The following RIMS1 variants were observed in gnomAD, a reference collection of about 807,000 sequenced individuals.
The protein encoded by RIMS1 is regulating synaptic membrane exocytosis 1.
Under a neutral mutation model 214.1 loss-of-function variants are expected in RIMS1, and 83 were observed. The observed-to-expected ratio is 0.39, with a 90% CI of 0.32 to 0.47. RIMS1 has a LOEUF of 0.47. Among genes scored for constraint, RIMS1 ranks in the 20% least tolerant of loss-of-function variants. The probability of loss-of-function intolerance (pLI) is 0.99; values close to 1 mark genes in which losing one functional copy is unlikely to be tolerated. For missense variants in RIMS1, 2,050 were observed against 2,161.8 expected, an observed-to-expected ratio of 0.95 and a Z score of 1.03; for synonymous variants, 793 against 786.8, an observed-to-expected ratio of 1.01 and a Z score of -0.13.
chr6:71,971,575 C>T (rs942893916), intron 2 of RIMS1, among the ~76,000 whole-genome samples: 2 of 152,256 alleles, frequency 1.3e-5, no homozygotes, highest in African/African-American at 2.4e-5. Context: ...AGCCTGTTTT[C>T]ATGCTACTGA....
intron 22 of RIMS1, among the ~76,000 whole-genome samples, chr6:72,271,283 AAAAAT>A (rs1246674675): frequency 9.1e-5 from 7 of 76,782 alleles, no homozygotes; most frequent in African/African-American, 4.0e-4. Context: ...AAAAAAAAAA[AAAAAT>A]ATATATATAT....
chr6:72,266,190 T>C, intron 22 of RIMS1, 141 bp downstream of exon 22: 2 of 702,820 alleles, frequency 2.8e-6, no homozygotes, highest in Admixed American at 2.0e-5. Context: ...CCTTCCCTTA[T>C]TATACATGTC....
intron 4 of RIMS1, among the ~76,000 whole-genome samples, chr6:72,126,151 A>G (rs956386568): frequency 3.6e-5 from 4 of 110,608 alleles, no homozygotes; most frequent in Non-Finnish European, 7.4e-5. Flanking sequence ...TTAATAAAGC[A>G]TACAAGAACA....
At chr6:72,217,543 A>G (rs1251906639) in intron 6 of RIMS1, among the ~76,000 whole-genome samples, 1 of 152,240 alleles carries the variant, frequency 6.6e-6, no homozygotes, top group Non-Finnish European at 1.5e-5. Flanking sequence ...TCAGAAAGAT[A>G]CATTTTTCTT....
At chr6:72,173,011 G>T (rs1336054064) in intron 4 of RIMS1, among the ~76,000 whole-genome samples, 4 of 152,122 alleles carry the variant, frequency 2.6e-5, no homozygotes, top group Admixed American at 1.3e-4. Context: ...ATTTTGTTTT[G>T]CTAACAAGGA....
chr6:72,384,158 A>G (rs2098545572), intron 29 of RIMS1, among the ~76,000 whole-genome samples: 1 of 152,186 alleles, frequency 6.6e-6, no homozygotes, highest in Non-Finnish European at 1.5e-5. Flanking sequence ...AAGTCTAACA[A>G]TGTGTTTTTC....
intron 6 of RIMS1, chr6:72,213,303 A>G (rs550925606): frequency 8.1e-7 from 1 of 1,231,552 alleles, no homozygotes. Context: ...CTCTGTATCT[A>G]TTTTCCAGTC....
At chr6:71,916,946 T>A (rs1778612464) in intron 1 of RIMS1, among the ~76,000 whole-genome samples, 1 of 152,178 alleles carries the variant, frequency 6.6e-6, no homozygotes, top group Non-Finnish European at 1.5e-5. Context: ...CCAATGTTCC[T>A]ACCCTCACAG....
chr6:72,360,370 CA>C (rs1371554752), intron 29 of RIMS1, among the ~76,000 whole-genome samples: 1 of 152,122 alleles, frequency 6.6e-6, no homozygotes, highest in Non-Finnish European at 1.5e-5. Flanking sequence ...TCTTTCTGTA[CA>C]ATAGTCTTTC....
chr6:72,255,008 T>C (rs186298248), intron 16 of RIMS1, among the ~76,000 whole-genome samples: 1,215 of 104,338 alleles, frequency 0.012, 20 homozygotes, highest in African/African-American at 0.036. Flanking sequence ...TAATATTTTA[T>C]GTTTCAAAGA....
intron 2 of RIMS1, among the ~76,000 whole-genome samples, chr6:72,009,262 T>A (rs1467295882): frequency 3.9e-5 from 6 of 152,158 alleles, no homozygotes; most frequent in Non-Finnish European, 8.8e-5. Flanking sequence ...AATAAAGATG[T>A]TCTTTGAAAC....
At chr6:72,042,539 A>G (rs996118694) in intron 2 of RIMS1, among the ~76,000 whole-genome samples, 9 of 151,918 alleles carry the variant, frequency 5.9e-5, no homozygotes, top group African/African-American at 2.2e-4. Context: ...ATTTCCTTGT[A>G]TACATGTGCC....
At chr6:72,139,240 A>C (rs754145277) in intron 4 of RIMS1, among the ~76,000 whole-genome samples, 1 of 151,992 alleles carries the variant, frequency 6.6e-6, no homozygotes, top group South Asian at 2.1e-4. Context: ...ACCTCTCCCA[A>C]CTTGATCTCA....
chr6:72,112,643 A>G (rs1025802906), intron 4 of RIMS1, among the ~76,000 whole-genome samples: 5 of 151,304 alleles, frequency 3.3e-5, no homozygotes, highest in African/African-American at 1.2e-4. Flanking sequence ...TCCACTCCTC[A>G]CTCCCAAACT....
At chr6:72,297,116 T>A (rs1207020191) in intron 26 of RIMS1, among the ~76,000 whole-genome samples, 2 of 152,026 alleles carry the variant, frequency 1.3e-5, no homozygotes, top group African/African-American at 4.8e-5. Flanking sequence ...TATATATTAT[T>A]CTGGCATAGT....
At chr6:72,253,792 G>T (rs1002522821) in intron 16 of RIMS1, among the ~76,000 whole-genome samples, 1 of 152,012 alleles carries the variant, frequency 6.6e-6, no homozygotes, top group Non-Finnish European at 1.5e-5. Flanking sequence ...ATTAAAACTG[G>T]GAGAAAATTA....
chr6:72,217,294 ATTGT>A (rs1289964791), intron 6 of RIMS1: 2 of 1,435,208 alleles, frequency 1.4e-6, no homozygotes, highest in Non-Finnish European at 1.9e-6. Context: ...AATGTAATTT[ATTGT>A]TTAATTATCC....
intron 1 of RIMS1, among the ~76,000 whole-genome samples, chr6:71,930,041 C>T (rs576079053): frequency 3.3e-5 from 5 of 152,034 alleles, no homozygotes; most frequent in African/African-American, 1.2e-4. Flanking sequence ...TTGTGTAAAT[C>T]CTGAAAGTCC....
chr6:71,895,673 CAAA>C (rs70994105), intron 1 of RIMS1, among the ~76,000 whole-genome samples: 294 of 64,212 alleles, frequency 4.6e-3, no homozygotes, highest in South Asian at 0.015. Flanking sequence ...GACTCCCTCT[CAAA>C]AAAAAAAAAA....
Sources: allele counts gnomAD v4.1 joint callset (sites outside exome capture counted in the v4.1 genomes callset), GRCh38; gene constraint gnomAD v4.1.1; transcripts MANE v1.5; gene names NCBI Gene and HGNC (gene_info 2026-07-23, HGNC 2026-07-21).